The following GPC5 variants were observed in gnomAD, a reference collection of about 807,000 sequenced individuals.
The protein encoded by GPC5 is glypican-5.
GPC5 carries 47 observed loss-of-function variants against 53.9 expected under a neutral mutation model. The observed-to-expected ratio is 0.87, with a 90% CI of 0.69 to 1.11. The LOEUF (loss-of-function observed/expected upper bound fraction) is 1.11, where lower values mean the gene tolerates loss of function less well. GPC5 is among the 50% of genes most tolerant of loss of function. GPC5 has a pLI of 0.00. For missense variants in GPC5, 748 were observed against 713.1 expected, an observed-to-expected ratio of 1.05 and a Z score of -0.56; for synonymous variants, 286 against 263.3, an observed-to-expected ratio of 1.09 and a Z score of -0.84.
intron 2 of GPC5, among the ~76,000 whole-genome samples, chr13:91,650,750 G>GTTTTTGTTTTTGTTTTTTTTTTT (rs1491353283): frequency 1.0e-5 from 1 of 99,642 alleles, no homozygotes; most frequent in Non-Finnish European, 2.0e-5. Flanking sequence ...ATTCCCATAA[G>GTTTTTGTTTTTGTTTTTTTTTTT]TTTTTTTTTT....
intron 1 of GPC5, among the ~76,000 whole-genome samples, chr13:91,418,872 A>G (rs1177344267): frequency 2.6e-5 from 4 of 151,742 alleles, no homozygotes; most frequent in Non-Finnish European, 4.4e-5. Flanking sequence ...GATTATGATT[A>G]TTTTCTTCTG....
chr13:91,771,887 A>G (rs1246308996), intron 5 of GPC5, among the ~76,000 whole-genome samples: 1 of 152,250 alleles, frequency 6.6e-6, no homozygotes, highest in Non-Finnish European at 1.5e-5. Flanking sequence ...AAATAAAATA[A>G]GAGCAAATAA....
chr13:92,187,124 A>G (rs1190955854), intron 7 of GPC5, among the ~76,000 whole-genome samples: 1 of 152,074 alleles, frequency 6.6e-6, no homozygotes, highest in Non-Finnish European at 1.5e-5. Flanking sequence ...AAAAAAAAAA[A>G]AATTACTTCT....
intron 2 of GPC5, among the ~76,000 whole-genome samples, chr13:91,535,544 C>T (rs555649975): frequency 8.3e-4 from 126 of 152,160 alleles, no homozygotes; most frequent in African/African-American, 2.8e-3. Context: ...ATTTATTTAA[C>T]CTTGATCATT....
intron 5 of GPC5, among the ~76,000 whole-genome samples, chr13:91,766,478 C>T (rs1352313963): frequency 2.0e-5 from 3 of 152,204 alleles, no homozygotes; most frequent in Non-Finnish European, 4.4e-5. Context: ...AGCCATGCTA[C>T]TAAGGTTGTC....
At chr13:92,645,576 G>A (rs549819033) in intron 7 of GPC5, among the ~76,000 whole-genome samples, 5 of 152,216 alleles carry the variant, frequency 3.3e-5, no homozygotes, top group African/African-American at 1.2e-4. Flanking sequence ...TACAATAAGT[G>A]CATGTATGAA....
chr13:92,201,372 T>A (rs532316568), intron 7 of GPC5, among the ~76,000 whole-genome samples: 1 of 152,168 alleles, frequency 6.6e-6, no homozygotes, highest in East Asian at 1.9e-4. Flanking sequence ...ACATTGTCAC[T>A]TCAATTGATG....
At chr13:91,745,401 A>T (rs2037026697) in intron 4 of GPC5, among the ~76,000 whole-genome samples, 1 of 151,336 alleles carries the variant, frequency 6.6e-6, no homozygotes, top group Non-Finnish European at 1.5e-5. Flanking sequence ...TAAACATGAA[A>T]CACCTGTTTG....
intron 7 of GPC5, among the ~76,000 whole-genome samples, chr13:92,861,911 G>A (rs889557303): frequency 6.6e-6 from 1 of 151,994 alleles, no homozygotes; most frequent in Admixed American, 6.6e-5. Flanking sequence ...TTCAAATATT[G>A]ATTTAATAAT....
intron 7 of GPC5, among the ~76,000 whole-genome samples, chr13:92,173,069 C>T (rs545471035): frequency 4.6e-5 from 7 of 150,752 alleles, no homozygotes; most frequent in Non-Finnish European, 1.0e-4. Context: ...GTAATTTTTG[C>T]TTATAGATTC....
chr13:91,948,244 T>C (rs1456531995), intron 6 of GPC5, among the ~76,000 whole-genome samples: 2 of 136,680 alleles, frequency 1.5e-5, no homozygotes, highest in East Asian at 4.2e-4. Context: ...AAAAAAAAAA[T>C]AAATAATAAT....
chr13:92,460,167 C>A (rs902189539), intron 7 of GPC5, among the ~76,000 whole-genome samples: 4 of 152,064 alleles, frequency 2.6e-5, no homozygotes, highest in Admixed American at 1.3e-4. Flanking sequence ...CAATAAAATT[C>A]TTACCTATTA....
At chr13:92,663,108 G>A (rs114051857) in intron 7 of GPC5, among the ~76,000 whole-genome samples, 2,295 of 152,238 alleles carry the variant, frequency 0.015, 57 homozygotes, top group African/African-American at 0.053. Flanking sequence ...GCAAAGTCCT[G>A]TGAGATGAGG....
At chr13:92,762,939 C>T (rs1044133949) in intron 7 of GPC5, among the ~76,000 whole-genome samples, 3 of 151,630 alleles carry the variant, frequency 2.0e-5, no homozygotes, top group Middle Eastern at 3.4e-3. Context: ...TTCTTTAGCC[C>T]CAAGATTTCT....
At chr13:92,377,027 A>G (rs2043700578) in intron 7 of GPC5, among the ~76,000 whole-genome samples, 1 of 151,918 alleles carries the variant, frequency 6.6e-6, no homozygotes, top group Admixed American at 6.5e-5. Context: ...ATAAAAAAAA[A>G]AAAGAAAAGA....
chr13:92,435,954 C>A (rs1261317457), intron 7 of GPC5, among the ~76,000 whole-genome samples: 1 of 152,152 alleles, frequency 6.6e-6, no homozygotes, highest in Non-Finnish European at 1.5e-5. Flanking sequence ...CATGTAGGAA[C>A]TATTAATGAC....
intron 7 of GPC5, among the ~76,000 whole-genome samples, chr13:92,356,080 G>T (rs2043519419): frequency 6.6e-6 from 1 of 151,966 alleles, no homozygotes; most frequent in African/African-American, 2.4e-5. Flanking sequence ...TCTCACAGGG[G>T]ATAACTTCCC....
intron 7 of GPC5, among the ~76,000 whole-genome samples, chr13:92,460,734 A>G (rs10083274): frequency 0.37 from 55,959 of 152,016 alleles, 11,157 homozygotes; most frequent in Middle Eastern, 0.5. Flanking sequence ...TGTTTAAGGA[A>G]ATGGAGACAG....
chr13:92,634,067 T>TA (rs1885340507), intron 7 of GPC5, among the ~76,000 whole-genome samples: 1 of 152,080 alleles, frequency 6.6e-6, no homozygotes, highest in Non-Finnish European at 1.5e-5. Context: ...TGAAAAACAC[T>TA]AACAAAATTA....
Sources: gnomAD v4.1 joint callset for allele counts (sites outside exome capture counted in the v4.1 genomes callset) on GRCh38, gnomAD v4.1.1 for gene constraint, MANE v1.5 for transcripts, NCBI Gene and HGNC (gene_info 2026-07-23, HGNC 2026-07-21) for gene names.